Variants in STK33 observed in about 807,000 individuals in gnomAD.
The protein encoded by STK33 is serine/threonine-protein kinase 33.
Under a neutral mutation model 58.0 loss-of-function variants are expected in STK33, and 52 were observed. The observed-to-expected ratio is 0.90, with a 90% CI of 0.72 to 1.13. The LOEUF is 1.13. STK33 is among the 50% of genes most tolerant of loss of function. The pLI is 0.00. For synonymous variants in STK33, 215 were observed against 200.1 expected, an observed-to-expected ratio of 1.07 and a Z score of -0.63; for missense variants, 630 against 604.2, an observed-to-expected ratio of 1.04 and a Z score of -0.45.
chr11:8,578,213 A>G (rs972184506), intron 1 of STK33, among the ~76,000 whole-genome samples: 1 of 152,166 alleles, frequency 6.6e-6, no homozygotes, highest in Non-Finnish European at 1.5e-5. Flanking sequence ...AACCTTCTGT[A>G]TTAGTGAATT....
the STK33 span, among the ~76,000 whole-genome samples, chr11:8,372,621 C>G: frequency 6.6e-6 from 1 of 152,262 alleles, no homozygotes; most frequent in Non-Finnish European, 1.5e-5. Flanking sequence ...TGCATCCCAC[C>G]GCATAGGCGG....
At position 8,440,674 on chromosome 11, in the gene STK33, T is replaced by G. The variant is rs1944626261; in HGVS notation, c.947+4A>C. On this transcript the variant is annotated splice_donor_region_variant and intron_variant, in intron 12 of 15. Transcript: ENST00000687296. ...TTAAAGTGTACATTTAGCAGGCTACTTACAACATGTACATTACGACGCCTA... is the reference window on the plus strand; with the variant it reads ...TTAAAGTGTACATTTAGCAGGCTACGTACAACATGTACATTACGACGCCTA... The G allele has an allele frequency of 1.3e-6, 2 of 1,558,984 alleles. No homozygotes were observed. The highest frequency in any genetic ancestry group is 3.8e-5 in the Admixed American group (2 of 52,644).
intron 15 of STK33, among the ~76,000 whole-genome samples, chr11:8,403,093 G>T (rs1055112722): frequency 6.6e-6 from 1 of 152,176 alleles, no homozygotes; most frequent in Non-Finnish European, 1.5e-5. Context: ...TCAACACTTA[G>T]TTCTAAGGGG....
the STK33 span, among the ~76,000 whole-genome samples, chr11:8,367,312 G>A: frequency 6.6e-6 from 1 of 152,256 alleles, no homozygotes; most frequent in African/African-American, 2.4e-5. Context: ...CAGATTGTGA[G>A]TGCGTGGGTA....
At chr11:8,533,270 T>C (rs1954696779) in intron 1 of STK33, 1 of 152,256 alleles carries the variant, frequency 6.6e-6, no homozygotes, top group South Asian at 2.1e-4. Context: ...ATTTACATTA[T>C]TACTTAAAAG....
the STK33 span, among the ~76,000 whole-genome samples, chr11:8,370,771 C>T: frequency 1.3e-5 from 2 of 152,172 alleles, no homozygotes; most frequent in African/African-American, 4.8e-5. Context: ...CCACCCAAGG[C>T]ACTGCCAACC....
intron 1 of STK33, among the ~76,000 whole-genome samples, chr11:8,560,138 T>C (rs990293699): frequency 2.6e-5 from 4 of 152,184 alleles, no homozygotes; most frequent in African/African-American, 7.2e-5. Flanking sequence ...AAGATGAATA[T>C]ATTTGTAGAA....
intron 9 of STK33, among the ~76,000 whole-genome samples, chr11:8,455,303 T>G (rs777954004): frequency 6.6e-6 from 1 of 152,174 alleles, no homozygotes; most frequent in Non-Finnish European, 1.5e-5. Flanking sequence ...TTTCAGTATA[T>G]TTTTCTACAA....
chr11:8,462,933 G>T (rs1947745622), intron 7 of STK33, among the ~76,000 whole-genome samples: 1 of 152,058 alleles, frequency 6.6e-6, no homozygotes, highest in South Asian at 2.1e-4. Context: ...GGATAAAAAA[G>T]GTCCTATTCC....
the STK33 span, among the ~76,000 whole-genome samples, chr11:8,372,277 C>T: frequency 7.3e-6 from 1 of 137,726 alleles, no homozygotes; most frequent in African/African-American, 2.5e-5. Context: ...GAACACCAAT[C>T]GGGCCCTTGT....
intron 15 of STK33, among the ~76,000 whole-genome samples, chr11:8,402,862 T>C (rs1396440740): frequency 6.6e-6 from 1 of 152,240 alleles, no homozygotes; most frequent in Admixed American, 6.5e-5. Flanking sequence ...TTATAGATTA[T>C]CTAAGTTTTG....
At chr11:8,514,744 G>A (rs1003866718) in intron 1 of STK33, among the ~76,000 whole-genome samples, 3 of 152,162 alleles carry the variant, frequency 2.0e-5, no homozygotes, top group African/African-American at 7.2e-5. Flanking sequence ...CACCATCCTG[G>A]ACCTCAGATT....
intron 1 of STK33, among the ~76,000 whole-genome samples, chr11:8,530,085 G>A (rs749661774): frequency 7.9e-5 from 12 of 152,190 alleles, no homozygotes; most frequent in Non-Finnish European, 1.3e-4. Flanking sequence ...TAGGATGGAA[G>A]AGAGGCTTTG....
chr11:8,363,183 C>G, the STK33 span, among the ~76,000 whole-genome samples: 1 of 152,106 alleles, frequency 6.6e-6, no homozygotes, highest in African/African-American at 2.4e-5. Context: ...GGCCGGATTA[C>G]TGGGGGCGGG....
rs1947568214 is a variant in STK33 at position 8,461,877 on chromosome 11, T to C, written c.486A>G (p.Arg162=). 1 of 1,599,980 alleles carries C rather than the reference T, an allele frequency of 6.3e-7. No individual in the cohort carries two copies. The highest frequency in any genetic ancestry group is 8.5e-7 in the Non-Finnish European group (1 of 1,174,438). ...AGSSAVKLLE[R]EVNILKSVKH... ...TTACACTTTTCAGAATGTTCACCTC[T>C]CGTTCAAGTAACTTCACAGCAGAGC... The change falls in exon 8 of 16, where the codon CGA becomes CGG. Residue 162 remains arginine, a synonymous_variant. Coordinates refer to ENST00000687296, the MANE Select transcript of STK33 (RefSeq NM_001352389.2).
chr11:8,520,836 A>G (rs1290687076), intron 1 of STK33, among the ~76,000 whole-genome samples: 1 of 152,148 alleles, frequency 6.6e-6, no homozygotes, highest in Non-Finnish European at 1.5e-5. Flanking sequence ...TGCTCAATGA[A>G]ATAAAAGAGA....
intron 12 of STK33, 81 bp downstream of exon 12, chr11:8,440,597 A>G (rs1045636977): frequency 6.9e-6 from 8 of 1,166,466 alleles, no homozygotes; most frequent in Non-Finnish European, 9.3e-6. Flanking sequence ...AATATATATT[A>G]GTTTTAATTT....
chr11:8,588,818 A>T (rs1469124213), intron 1 of STK33, among the ~76,000 whole-genome samples: 1 of 152,238 alleles, frequency 6.6e-6, no homozygotes, highest in Admixed American at 6.5e-5. Context: ...CAACTGAACA[A>T]GAAAAAGACA....
In STK33 at chr11:8,449,689, C is replaced by T. The variant is rs557687531; in HGVS notation, c.871+3133G>A. ...GATATACCTAATGTTAAATGATGAGCTAATGGGTTCAGCACACCAACATGG... is the reference window on the plus strand; with the variant it reads ...GATATACCTAATGTTAAATGATGAGTTAATGGGTTCAGCACACCAACATGG... On this transcript the variant is annotated intron_variant, in intron 11 of 15. Transcript: ENST00000687296. Among the ~76,000 whole-genome samples, 83 of 151,696 alleles carry T rather than the reference C, an allele frequency of 5.5e-4. 5 individuals are homozygous for T. Among genetic ancestry groups the T allele is most frequent in the African/African-American group, 1.9e-3 (80 of 41,106 alleles).
Sources: allele counts gnomAD v4.1 joint callset (sites outside exome capture counted in the v4.1 genomes callset), GRCh38; gene constraint gnomAD v4.1.1; transcripts MANE v1.5; gene names NCBI Gene and HGNC (gene_info 2026-07-23, HGNC 2026-07-21).